Variants in CEP126 observed in about 807,000 individuals in gnomAD.
CEP126 encodes centrosomal protein 126.
Under a neutral mutation model 107.8 loss-of-function variants are expected in CEP126, and 74 were observed. That is an observed-to-expected ratio of 0.69 (90% CI 0.57 to 0.83). The LOEUF (loss-of-function observed/expected upper bound fraction) is 0.83, where lower values mean the gene tolerates loss of function less well. Ranked by LOEUF, CEP126 falls within the 40% of genes least tolerant of loss-of-function variation. CEP126 has a pLI of 0.00. For synonymous variants in CEP126, 449 were observed against 446.0 expected (o/e 1.01, Z -0.08); for missense variants, 1,237 against 1,281.9 (o/e 0.96, Z 0.53).
At position 101,958,268 on chromosome 11, in the gene CEP126, A is replaced by C. The variant is rs771675840; in HGVS notation, c.607A>C (p.Asn203His). ...KINCEKEMNE[N>H]MRATLATSKN... is the part of the protein sequence containing the mutation. ...CAATTGTGAGAAAGAAATGAATGAA[A>C]ACATGAGGGCAACCTTGGCTACTAG... Residue 203 changes from asparagine (N) to histidine (H), a missense_variant, in exon 5 of 11, where the codon AAC becomes CAC. Physicochemically the swap from Asn to His is moderately conservative, Grantham distance 68. Coordinates refer to ENST00000263468, the MANE Select transcript of CEP126 (RefSeq NM_020802.4). 1 of 1,614,070 alleles carries C rather than the reference A, an allele frequency of 6.2e-7. No homozygotes were observed. The highest frequency in any genetic ancestry group is 1.1e-5 in the South Asian group (1 of 91,082).
intron 2 of CEP126, among the ~76,000 whole-genome samples, chr11:101,933,413 A>AT (rs1289532236): frequency 6.6e-6 from 1 of 152,184 alleles, no homozygotes; most frequent in Non-Finnish European, 1.5e-5. Context: ...ACCAGGTAGA[A>AT]TCAGGCTGCC....
rs139061732 is a variant in CEP126, at chr11:101,992,820, C to G, written c.3287C>G (p.Thr1096Ser). Residue 1096 changes from threonine to serine, a missense_variant, in exon 10 of 11, where the codon ACT becomes AGT. By Grantham distance (58) the Thr-to-Ser change is moderately conservative (BLOSUM62 1). Coordinates refer to ENST00000263468, the MANE Select transcript of CEP126 (RefSeq NM_020802.4). ...TGCAAAAACCCATCCATCAAAAATACTTTACAAATAATACCACTTCTGGTA... is the reference window on the plus strand; with the variant it reads ...TGCAAAAACCCATCCATCAAAAATAGTTTACAAATAATACCACTTCTGGTA... ...SICKNPSIKNTLQIIPLLEKR... is the reference protein window; with the variant it reads ...SICKNPSIKNSLQIIPLLEKR... 5.2e-6 allele frequency: 8 copies of G among 1,538,490 alleles called. No individual in the cohort carries two copies. Among genetic ancestry groups the G allele is most frequent in the African/African-American group, 1.4e-5 (1 of 70,882 alleles).
intron 8 of CEP126, among the ~76,000 whole-genome samples, chr11:101,982,903 A>AC (rs1941273622): frequency 6.6e-6 from 1 of 152,170 alleles, no homozygotes; most frequent in Non-Finnish European, 1.5e-5. Flanking sequence ...ACAAGCTCAT[A>AC]CCATACAGTT....
chr11:101,952,772 G>T (rs1376292816), intron 4 of CEP126, among the ~76,000 whole-genome samples: 2 of 152,154 alleles, frequency 1.3e-5, no homozygotes, highest in Non-Finnish European at 2.9e-5. Flanking sequence ...TAAGAAATCT[G>T]GGCCATGAAT....
At chr11:101,930,989 CTT>C (rs1250488853) in intron 2 of CEP126, among the ~76,000 whole-genome samples, 4 of 151,914 alleles carry the variant, frequency 2.6e-5, no homozygotes, top group Non-Finnish European at 5.9e-5. Context: ...GAATTTGTGT[CTT>C]TTTGATGTTA....
chr11:101,989,664 G>A (rs1941353993), intron 9 of CEP126, among the ~76,000 whole-genome samples: 1 of 152,092 alleles, frequency 6.6e-6, no homozygotes, highest in South Asian at 2.1e-4. Context: ...AGCATCCAAG[G>A]AAACACAGAA....
In CEP126 at chr11:101,962,971, A is replaced by G; in HGVS notation, c.1936A>G (p.Ser646Gly). ...TSNIENNAEN[S>G]HSLKNKTGTT... is the part of the protein sequence containing the mutation. ...CAATATAGAAAACAATGCTGAAAAC[A>G]GTCATTCACTGAAGAATAAAACAGG... Residue 646 changes from serine (S) to glycine (G), a missense_variant, in exon 6 of 11, where the codon AGT (serine) becomes GGT (glycine). By Grantham distance (56) the Ser-to-Gly change is moderately conservative. This residue lies in a region of CEP126 where 1,134 missense variants were observed against 1,150.5 expected (regional missense o/e 0.99). Coordinates refer to ENST00000263468, the MANE Select transcript of CEP126 (RefSeq NM_020802.4). 1 of 1,612,006 alleles carries G rather than the reference A, an allele frequency of 6.2e-7. No homozygotes were observed. The highest frequency in any genetic ancestry group is 8.5e-7 in the Non-Finnish European group (1 of 1,179,526).
At position 101,967,025 on chromosome 11, in the gene CEP126, C is replaced by CTT. The variant is rs759877416; in HGVS notation, c.2845+3165_2845+3166dup. Among the ~76,000 whole-genome samples the CTT allele has an allele frequency of 3.4e-3, 362 of 107,026 alleles. 5 individuals carry two copies. Among genetic ancestry groups the CTT allele is most frequent in the African/African-American group, 8.3e-3 (226 of 27,264 alleles). 70.2% of individuals were successfully genotyped at this position (107,026 alleles called of 152,430 possible). A position where few individuals can be genotyped will look rare whatever the true frequency, so the allele number is the denominator to read the frequency against. ...ATTCCAATTCATCATCTCTTTCTTT[C>CTT]TTTTTTTTTTTTTTTTTTTTTGAGA... On this transcript the variant is annotated intron_variant, in intron 6 of 10. Coordinates refer to ENST00000263468, the MANE Select transcript of CEP126 (RefSeq NM_020802.4).
chr11:101,930,576 C>T (rs1256742110), intron 2 of CEP126, among the ~76,000 whole-genome samples: 1 of 152,136 alleles, frequency 6.6e-6, no homozygotes, highest in African/African-American at 2.4e-5. Context: ...TGGAACAGGA[C>T]CCCAACGGGT....
At chr11:101,992,621 A>C (rs929262965) in intron 9 of CEP126, among the ~76,000 whole-genome samples, 157 bp from the exon 10 acceptor site, 3 of 152,130 alleles carry the variant, frequency 2.0e-5, no homozygotes, top group African/African-American at 7.2e-5. Flanking sequence ...GACCTAATAT[A>C]AGTATAAAGA....
In CEP126 at chr11:101,999,854, T is replaced by A. The variant is rs1158245174; in HGVS notation, c.*2211T>A. ...TGAGCCCAGGAGTTTGAGACCAGCC[T>A]GGGCAATGTAGCAAGACCCCATCTC... On this transcript the variant is annotated 3_prime_UTR_variant, in exon 11 of 11. Transcript: ENST00000263468. The A allele has an allele frequency of 6.6e-6, 1 of 152,388 alleles. No homozygotes were observed. Among genetic ancestry groups the A allele is most frequent in the African/African-American group, 2.4e-5 (1 of 41,434 alleles). 9.4% of individuals were successfully genotyped at this position (152,388 alleles called of 1,614,324 possible).
At chr11:101,942,173 C>T (rs1940674428) in intron 2 of CEP126, among the ~76,000 whole-genome samples, 1 of 151,892 alleles carries the variant, frequency 6.6e-6, no homozygotes, top group African/African-American at 2.4e-5. Flanking sequence ...TTTGTTTGTG[C>T]TTTTAGTGTC....
At chr11:101,987,488 C>T (rs986691690) in intron 9 of CEP126, among the ~76,000 whole-genome samples, 2 of 152,050 alleles carry the variant, frequency 1.3e-5, no homozygotes, top group African/African-American at 4.8e-5. Flanking sequence ...GGATATTTAA[C>T]TCATGGGGTG....
chr11:101,970,845 A>C (rs1043145593), intron 6 of CEP126, among the ~76,000 whole-genome samples: 2 of 152,204 alleles, frequency 1.3e-5, no homozygotes, highest in African/African-American at 4.8e-5. Context: ...TCTTACGCCC[A>C]TTTTATAGAT....
At chr11:101,957,832 C>T (rs1001501444) in intron 4 of CEP126, among the ~76,000 whole-genome samples, 1 of 152,112 alleles carries the variant, frequency 6.6e-6, no homozygotes, top group Non-Finnish European at 1.5e-5. Context: ...TAGGAATGCT[C>T]TTAAAGACCT....
At chr11:101,938,890 A>T (rs533315542) in intron 2 of CEP126, among the ~76,000 whole-genome samples, 35 of 151,962 alleles carry the variant, frequency 2.3e-4, no homozygotes, top group Non-Finnish European at 4.0e-4. Context: ...GCTTTTCTAG[A>T]TATCGTAATT....
intron 2 of CEP126, among the ~76,000 whole-genome samples, chr11:101,931,204 A>C (rs549427775): frequency 6.6e-6 from 1 of 152,248 alleles, no homozygotes; most frequent in East Asian, 1.9e-4. Context: ...GAAATGAGAT[A>C]CTTTTATATT....
chr11:101,941,389 TACA>T (rs1182750892), intron 2 of CEP126, among the ~76,000 whole-genome samples: 2 of 152,292 alleles, frequency 1.3e-5, no homozygotes, highest in Non-Finnish European at 2.9e-5. Context: ...AGTGAAATCA[TACA>T]ACATTTGTCC....
intron 1 of CEP126, among the ~76,000 whole-genome samples, chr11:101,919,582 T>C (rs916343056): frequency 1.3e-5 from 2 of 152,124 alleles, no homozygotes; most frequent in African/African-American, 4.8e-5. Flanking sequence ...TTTTTAAACT[T>C]GAATACCATA....
Sources: allele counts gnomAD v4.1 joint callset (sites outside exome capture counted in the v4.1 genomes callset), GRCh38; gene constraint gnomAD v4.1.1; regional missense constraint gnomAD v4.1.1; transcripts MANE v1.5; gene names NCBI Gene and HGNC (gene_info 2026-07-23, HGNC 2026-07-21).